Variants in TRPM3 observed in about 807,000 individuals in gnomAD.
The protein encoded by TRPM3 is long transient receptor potential channel 3.
In TRPM3, 77 loss-of-function variants were observed where a neutral mutation model predicts 181.2. The ratio of observed to expected loss-of-function variants is 0.42; its 90% CI spans 0.35 to 0.51. The LOEUF is 0.51. Among genes scored for constraint, TRPM3 ranks in the 20% least tolerant of loss-of-function variants. The pLI, the probability that TRPM3 is intolerant of heterozygous loss-of-function variation, is 0.01. For missense variants in TRPM3, 1,759 were observed against 2,196.7 expected (o/e 0.80, Z 3.98); for synonymous variants, 745 against 796.4 (o/e 0.94, Z 1.09).
Position 71,290,582 on chromosome 9 carries a change from C to T in TRPM3, c.183+156071G>A, listed in dbSNP as rs58254952. On this transcript the variant is annotated intron_variant, in intron 1 of 24. Transcript: ENST00000357533. ...GATATATGTTAGAAAAAAATTACCT[C>T]AAAAGGAACATATAAAATTCAAGAA... Among the ~76,000 whole-genome samples, 1,164 of 151,918 alleles carry T rather than the reference C, an allele frequency of 7.7e-3. 21 individuals carry two copies. Among genetic ancestry groups the T allele is most frequent in the African/African-American group, 0.027 (1,108 of 41,450 alleles).
intron 1 of TRPM3, among the ~76,000 whole-genome samples, chr9:71,078,225 C>T (rs997663759): frequency 2.0e-5 from 3 of 151,928 alleles, no homozygotes; most frequent in African/African-American, 2.4e-5. Flanking sequence ...ATCTTTGAAA[C>T]GAAATATACA....
At chr9:71,441,968 T>C (rs1209819260) in intron 1 of TRPM3, among the ~76,000 whole-genome samples, 1 of 152,170 alleles carries the variant, frequency 6.6e-6, no homozygotes, top group African/African-American at 2.4e-5. Context: ...AATTCGCTTT[T>C]AGCAGGGAAA....
intron 1 of TRPM3, among the ~76,000 whole-genome samples, chr9:71,027,180 G>C (rs1036998253): frequency 2.6e-5 from 4 of 152,170 alleles, no homozygotes; most frequent in African/African-American, 9.7e-5. Context: ...CCCAGAGTAA[G>C]AGCATACTGT....
At chr9:70,780,542 T>A (rs1244135340) in intron 7 of TRPM3, among the ~76,000 whole-genome samples, 3 of 151,840 alleles carry the variant, frequency 2.0e-5, no homozygotes, top group African/African-American at 7.2e-5. Context: ...ATTTTTTTTT[T>A]CTCTTAACAT....
At chr9:71,159,777 A>T (rs1216735639) in intron 1 of TRPM3, among the ~76,000 whole-genome samples, 3 of 152,104 alleles carry the variant, frequency 2.0e-5, no homozygotes, top group Admixed American at 2.0e-4. Context: ...TATTTCAGAG[A>T]TTTATGAGGT....
chr9:70,582,631 AAG>A (rs912612873), intron 22 of TRPM3, among the ~76,000 whole-genome samples: 2 of 152,212 alleles, frequency 1.3e-5, no homozygotes, highest in African/African-American at 2.4e-5. Flanking sequence ...GTTAATTAAA[AAG>A]AAAAAAATTA....
chr9:71,290,770 T>C (rs560320763), intron 1 of TRPM3, among the ~76,000 whole-genome samples: 3 of 152,266 alleles, frequency 2.0e-5, no homozygotes, highest in South Asian at 4.1e-4. Flanking sequence ...AAAACCCTTA[T>C]ATTGTTTGGC....
At chr9:70,949,663 C>G (rs555730968) in intron 1 of TRPM3, among the ~76,000 whole-genome samples, 2 of 151,976 alleles carry the variant, frequency 1.3e-5, no homozygotes, top group African/African-American at 4.8e-5. Flanking sequence ...CTTAGTCTCC[C>G]GAGTAGCTGG....
At chr9:71,147,048 C>A (rs1022730529) in intron 1 of TRPM3, among the ~76,000 whole-genome samples, 1 of 152,170 alleles carries the variant, frequency 6.6e-6, no homozygotes, top group East Asian at 1.9e-4. Flanking sequence ...AAAGACCTGA[C>A]AACATTGCTT....
intron 1 of TRPM3, among the ~76,000 whole-genome samples, chr9:71,346,773 C>T (rs1226100247): frequency 6.6e-6 from 1 of 152,136 alleles, no homozygotes; most frequent in East Asian, 1.9e-4. Flanking sequence ...CAGCTGTGTA[C>T]AGAAGGGAAC....
chr9:70,940,699 G>A (rs960245763), intron 1 of TRPM3, among the ~76,000 whole-genome samples: 3 of 152,228 alleles, frequency 2.0e-5, no homozygotes, highest in African/African-American at 7.2e-5. Context: ...ACTTCTCTGA[G>A]GAGATGGCAT....
chr9:70,870,090 G>A (rs2095756020), intron 1 of TRPM3, among the ~76,000 whole-genome samples: 1 of 152,010 alleles, frequency 6.6e-6, no homozygotes, highest in Admixed American at 6.6e-5. Flanking sequence ...CTTGTGGATG[G>A]TAAATCTGTG....
At chr9:70,682,869 C>G (rs183916774) in intron 8 of TRPM3, among the ~76,000 whole-genome samples, 1 of 152,280 alleles carries the variant, frequency 6.6e-6, no homozygotes, top group Non-Finnish European at 1.5e-5. Context: ...GTATTTCCAA[C>G]TACATAGGAA....
chr9:71,231,173 A>G (rs1437396019), intron 1 of TRPM3, among the ~76,000 whole-genome samples: 2 of 152,208 alleles, frequency 1.3e-5, no homozygotes, highest in Non-Finnish European at 2.9e-5. Context: ...TAAATGGCAA[A>G]AAGGACTTTA....
chr9:71,307,911 T>G lies in TRPM3; in HGVS notation c.183+138742A>C, dbSNP rs118067832. The stretch of plus-strand genomic sequence containing the variant: ...ATTTATTTTGTTTTAAAAATTTATT[T>G]ACTTTGAACTTACCTATATTACTGG... On this transcript the variant is annotated intron_variant, in intron 1 of 24. Transcript: ENST00000357533. 7.3e-3 allele frequency among the ~76,000 whole-genome samples: 1,113 copies of G among 152,188 alleles called. 26 individuals are homozygous for G. The highest frequency in any genetic ancestry group is 0.072 in the South Asian group (345 of 4,822).
chr9:70,961,841 C>T (rs1254017859), intron 1 of TRPM3, among the ~76,000 whole-genome samples: 2 of 152,028 alleles, frequency 1.3e-5, no homozygotes, highest in African/African-American at 4.8e-5. Context: ...TATGTAATGC[C>T]ATAAGGGGAT....
intron 1 of TRPM3, chr9:70,917,115 C>A (rs1272581928): frequency 1.2e-6 from 2 of 1,604,044 alleles, no homozygotes; most frequent in Non-Finnish European, 1.7e-6. Context: ...TAACACATTT[C>A]CATAGGGGTT....
At chr9:70,986,472 A>G (rs897804332) in intron 1 of TRPM3, among the ~76,000 whole-genome samples, 3 of 152,222 alleles carry the variant, frequency 2.0e-5, no homozygotes, top group Non-Finnish European at 4.4e-5. Context: ...ACAAGTTTAT[A>G]ATAATTCAGA....
At chr9:70,948,382 T>C (rs2096959511) in intron 1 of TRPM3, among the ~76,000 whole-genome samples, 1 of 152,210 alleles carries the variant, frequency 6.6e-6, no homozygotes, top group Non-Finnish European at 1.5e-5. Flanking sequence ...TATACTTTAA[T>C]AGTTCCAATG....
Sources: gnomAD v4.1 joint callset for allele counts (sites outside exome capture counted in the v4.1 genomes callset) on GRCh38, gnomAD v4.1.1 for gene constraint, MANE v1.5 for transcripts, NCBI Gene and HGNC (gene_info 2026-07-23, HGNC 2026-07-21) for gene names.